Variants in NTM observed in about 807,000 individuals in gnomAD.
NTM encodes IgLON family member 2.
Under a neutral mutation model 42.1 loss-of-function variants are expected in NTM, and 13 were observed. The observed-to-expected ratio is 0.31, with a 90% CI of 0.20 to 0.49. The LOEUF (loss-of-function observed/expected upper bound fraction) is 0.49. NTM is among the 20% of genes least tolerant of loss of function. The probability of loss-of-function intolerance (pLI) is 0.99; values close to 1 mark genes in which losing one functional copy is unlikely to be tolerated. For synonymous variants in NTM, 187 were observed against 179.2 expected, an observed-to-expected ratio of 1.04 and a Z score of -0.35; for missense variants, 373 against 452.8, an observed-to-expected ratio of 0.82 and a Z score of 1.60.
At chr11:131,475,505 G>A (rs991302688) in intron 1 of NTM, among the ~76,000 whole-genome samples, 1 of 151,982 alleles carries the variant, frequency 6.6e-6, no homozygotes, top group Admixed American at 6.6e-5. Flanking sequence ...GGAGGAGGAG[G>A]AGGATTGAAA....
At chr11:131,426,980 C>T (rs1948188694) in intron 1 of NTM, among the ~76,000 whole-genome samples, 1 of 151,962 alleles carries the variant, frequency 6.6e-6, no homozygotes, top group Non-Finnish European at 1.5e-5. Flanking sequence ...CCCCTTTGAC[C>T]TTCAGAGGTG....
intron 1 of NTM, among the ~76,000 whole-genome samples, chr11:131,863,843 C>A (rs1381611023): frequency 6.6e-6 from 1 of 152,162 alleles, no homozygotes. Context: ...CGCTTGTAGG[C>A]CTGGCAAAAT....
chr11:131,809,936 C>T (rs376417474), intron 1 of NTM, among the ~76,000 whole-genome samples: 15 of 152,176 alleles, frequency 9.9e-5, no homozygotes, highest in African/African-American at 1.7e-4. Context: ...TTAATGCATA[C>T]GTGAATACAC....
intron 1 of NTM, among the ~76,000 whole-genome samples, chr11:131,500,684 A>T (rs2046697481): frequency 6.8e-6 from 1 of 147,356 alleles, no homozygotes; most frequent in African/African-American, 2.5e-5. Context: ...TGCTGCACCC[A>T]TTAACTCATC....
chr11:131,464,719 C>T (rs1230033445), intron 1 of NTM, among the ~76,000 whole-genome samples: 1 of 152,208 alleles, frequency 6.6e-6, no homozygotes, highest in South Asian at 2.1e-4. Flanking sequence ...GCCCTTCTGC[C>T]GGCTGAGAAC....
chr11:131,419,833 T>C (rs769301905), intron 1 of NTM, among the ~76,000 whole-genome samples: 1 of 151,994 alleles, frequency 6.6e-6, no homozygotes, highest in African/African-American at 2.4e-5. Flanking sequence ...TCAAATAAAG[T>C]GAGAAATGCT....
intron 4 of NTM, among the ~76,000 whole-genome samples, chr11:132,292,787 T>TAAAAAAAAAAAAAAAAA (rs61603794): frequency 1.8e-5 from 1 of 56,572 alleles, no homozygotes; most frequent in Non-Finnish European, 3.0e-5. Flanking sequence ...GATGTAAAAG[T>TAAAAAAAAAAAAAAAAA]AAAAAAAAAA....
At chr11:131,966,673 T>C (rs948499532) in intron 2 of NTM, among the ~76,000 whole-genome samples, 2 of 151,964 alleles carry the variant, frequency 1.3e-5, no homozygotes, top group African/African-American at 4.8e-5. Flanking sequence ...ATGCAGAGTG[T>C]GGTGTCAGGT....
chr11:131,850,146 T>C (rs1434212342), intron 1 of NTM, among the ~76,000 whole-genome samples: 1 of 152,112 alleles, frequency 6.6e-6, no homozygotes, highest in Non-Finnish European at 1.5e-5. Context: ...TAAATACAAA[T>C]CATTCCATTG....
intron 1 of NTM, among the ~76,000 whole-genome samples, chr11:131,520,211 A>T (rs2049446799): frequency 6.6e-6 from 1 of 152,228 alleles, no homozygotes; most frequent in Admixed American, 6.5e-5. Context: ...AAATAATAAT[A>T]TATATTAAAC....
chr11:131,602,770 A>C (rs1476450876), intron 1 of NTM, among the ~76,000 whole-genome samples: 4 of 152,114 alleles, frequency 2.6e-5, no homozygotes, highest in African/African-American at 9.7e-5. Context: ...ATGTGATGCT[A>C]TATATCTGTC....
intron 2 of NTM, among the ~76,000 whole-genome samples, chr11:132,070,017 A>G: frequency 7.4e-6 from 1 of 134,274 alleles, no homozygotes; most frequent in African/African-American, 3.0e-5. Context: ...CAGCCAAGTA[A>G]GTTAACACGT....
At chr11:132,086,791 C>A (rs566873642) in intron 2 of NTM, among the ~76,000 whole-genome samples, 6 of 152,280 alleles carry the variant, frequency 3.9e-5, no homozygotes, top group African/African-American at 1.4e-4. Flanking sequence ...ACCCTTTTGT[C>A]AGTGTGTCAG....
At chr11:132,214,999 A>T (rs2083538099) in intron 4 of NTM, among the ~76,000 whole-genome samples, 1 of 152,208 alleles carries the variant, frequency 6.6e-6, no homozygotes, top group East Asian at 1.9e-4. Flanking sequence ...GAGATCAGAG[A>T]TGTCACTTGG....
chr11:132,102,181 G>T (rs1184281390), intron 2 of NTM, among the ~76,000 whole-genome samples: 4 of 152,128 alleles, frequency 2.6e-5, no homozygotes, highest in Admixed American at 2.6e-4. Flanking sequence ...CATTACTTTA[G>T]CTCCCAAAGT....
intron 1 of NTM, among the ~76,000 whole-genome samples, chr11:131,599,734 C>T (rs1035945395): frequency 3.3e-5 from 5 of 152,134 alleles, no homozygotes; most frequent in African/African-American, 1.2e-4. Flanking sequence ...GGACAGGGCA[C>T]CCCAGAAGCA....
At chr11:131,384,257 T>C (rs1381335406) in intron 1 of NTM, among the ~76,000 whole-genome samples, 1 of 152,076 alleles carries the variant, frequency 6.6e-6, no homozygotes, top group East Asian at 1.9e-4. Flanking sequence ...CACTAGTCTT[T>C]AAAGGCTGGG....
intron 4 of NTM, among the ~76,000 whole-genome samples, chr11:132,232,408 C>T (rs2087796203): frequency 6.6e-6 from 1 of 152,298 alleles, no homozygotes; most frequent in South Asian, 2.1e-4. Context: ...CAGGACGAGT[C>T]GCCCACCTGT....
intron 2 of NTM, among the ~76,000 whole-genome samples, chr11:131,995,513 G>A (rs1338288181): frequency 2.0e-5 from 3 of 152,138 alleles, no homozygotes; most frequent in Non-Finnish European, 4.4e-5. Flanking sequence ...CAAGAATGAG[G>A]AGTCAGCCAG....
Sources: gnomAD v4.1 joint callset for allele counts (sites outside exome capture counted in the v4.1 genomes callset) on GRCh38, gnomAD v4.1.1 for gene constraint, MANE v1.5 for transcripts, NCBI Gene and HGNC (gene_info 2026-07-23, HGNC 2026-07-21) for gene names.